Variants in DLGAP2 observed in about 807,000 individuals in gnomAD.
DLGAP2 encodes the protein disks large-associated protein 2.
A neutral mutation model predicts 100.3 loss-of-function variants in DLGAP2; 26 were observed. That is an observed-to-expected ratio of 0.26 (90% CI 0.19 to 0.36). The LOEUF is 0.36. Ranked by LOEUF, DLGAP2 falls within the 10% of genes least tolerant of loss-of-function variation. DLGAP2 has a pLI of 1.00. For synonymous variants in DLGAP2, 886 were observed against 630.1 expected, an observed-to-expected ratio of 1.41 and a Z score of -6.08; for missense variants, 1,858 against 1,453.2, an observed-to-expected ratio of 1.28 and a Z score of -4.53.
intron 14 of DLGAP2, among the ~76,000 whole-genome samples, chr8:1,697,692 GA>G (rs1799439970): frequency 6.6e-6 from 1 of 152,186 alleles, no homozygotes; most frequent in South Asian, 2.1e-4. Flanking sequence ...TTCCCACAGG[GA>G]AAGTTTTAGG....
chr8:1,466,255 C>T (rs1433787391), intron 3 of DLGAP2, among the ~76,000 whole-genome samples: 3 of 151,936 alleles, frequency 2.0e-5, no homozygotes, highest in Admixed American at 1.3e-4. Flanking sequence ...GCTTTTTTAT[C>T]ATTTGGACTT....
At chr8:983,669 A>T (rs1800406430) in intron 2 of DLGAP2, among the ~76,000 whole-genome samples, 1 of 152,098 alleles carries the variant, frequency 6.6e-6, no homozygotes, top group Non-Finnish European at 1.5e-5. Flanking sequence ...TTGGGATAGG[A>T]CCTTGCTCTG....
intron 2 of DLGAP2, among the ~76,000 whole-genome samples, chr8:971,210 A>G (rs1235784326): frequency 2.6e-5 from 4 of 152,232 alleles, no homozygotes; most frequent in Admixed American, 1.3e-4. Flanking sequence ...AAATACCTGT[A>G]TGTATCCAGA....
chr8:857,872 A>AT lies in DLGAP2; in HGVS notation c.19-50025dup, dbSNP rs35091275. ...CTGTTCACACAAAAACTTGCACATG[A>AT]TTTTTTTTTTTTTTTGAGACGGAGC... On this transcript the variant is annotated intron_variant, in intron 1 of 14. Transcript: ENST00000637795. 5.8e-3 allele frequency among the ~76,000 whole-genome samples: 849 copies of AT among 147,528 alleles called. 13 individuals are homozygous for AT. The highest frequency in any genetic ancestry group is 0.016 in the African/African-American group (636 of 40,194).
intron 2 of DLGAP2, among the ~76,000 whole-genome samples, chr8:1,058,145 G>C (rs565530456): frequency 2.3e-4 from 35 of 152,034 alleles, no homozygotes; most frequent in African/African-American, 7.5e-4. Context: ...GGCTTGGCTG[G>C]ATTGACTAGC....
intron 2 of DLGAP2, chr8:1,002,248 C>T (rs1208264201): frequency 5.9e-5 from 9 of 152,150 alleles, no homozygotes; most frequent in African/African-American, 1.2e-4. Context: ...GCTGCACAGA[C>T]GTGATTCTTC....
chr8:1,614,486 G>A (rs1460691189), intron 6 of DLGAP2, among the ~76,000 whole-genome samples: 5 of 152,200 alleles, frequency 3.3e-5, no homozygotes, highest in Middle Eastern at 3.2e-3. Flanking sequence ...TGCCATTGAC[G>A]GCTTGGACCC....
chr8:1,535,367 C>T (rs1801122772), intron 4 of DLGAP2, among the ~76,000 whole-genome samples: 1 of 152,204 alleles, frequency 6.6e-6, no homozygotes, highest in South Asian at 2.1e-4. Context: ...GTGATTTATC[C>T]TCTCAATCAC....
intron 10 of DLGAP2, among the ~76,000 whole-genome samples, chr8:1,670,590 A>T (rs1283853423): frequency 6.6e-6 from 1 of 152,228 alleles, no homozygotes; most frequent in East Asian, 1.9e-4. Context: ...ATGTTGGGTA[A>T]GCGAGTGGAC....
At chr8:1,391,414 C>T (rs1042774158) in intron 3 of DLGAP2, among the ~76,000 whole-genome samples, 1 of 152,178 alleles carries the variant, frequency 6.6e-6, no homozygotes, top group Admixed American at 6.5e-5. Flanking sequence ...TATCCAGGGA[C>T]ACCAGGCTGT....
rs550209129 is a variant in DLGAP2, at chr8:1,304,040, A to G, written c.106+45157A>G. On this transcript the variant is annotated intron_variant, in intron 3 of 14. Transcript: ENST00000637795. The stretch of plus-strand genomic sequence containing the variant: ...CCACTCAGCCTTTTCCAGACAGCTC[A>G]TTTCTCAGACTGCAAAGGTCAGCAG... Among the ~76,000 whole-genome samples, 3 of 152,220 alleles carry G rather than the reference A, an allele frequency of 2.0e-5. 1 individual carries two copies. In the South Asian group the frequency reaches 6.2e-4, roughly 31 times the overall value.
intron 2 of DLGAP2, among the ~76,000 whole-genome samples, chr8:1,072,601 T>A (rs1276041419): frequency 2.0e-5 from 3 of 152,102 alleles, no homozygotes; most frequent in Non-Finnish European, 4.4e-5. Context: ...GCATTGGGTG[T>A]GTGTTCAGTG....
At chr8:759,052 C>T (rs1213783662) in intron 1 of DLGAP2, among the ~76,000 whole-genome samples, 44 of 149,340 alleles carry the variant, frequency 2.9e-4, no homozygotes, top group African/African-American at 7.1e-4. Context: ...TCAATACCCC[C>T]CACAACCTTC....
intron 2 of DLGAP2, among the ~76,000 whole-genome samples, chr8:1,086,438 CTATA>C (rs1404876447): frequency 1.3e-5 from 2 of 152,042 alleles, no homozygotes; most frequent in Admixed American, 1.3e-4. Context: ...TACATTCATT[CTATA>C]TCTAATTTGT....
At chr8:813,127 T>G (rs1230318779) in intron 1 of DLGAP2, among the ~76,000 whole-genome samples, 1 of 152,242 alleles carries the variant, frequency 6.6e-6, no homozygotes, top group Non-Finnish European at 1.5e-5. Flanking sequence ...ATCAGTAATA[T>G]CTTTCAACCA....
intron 1 of DLGAP2, among the ~76,000 whole-genome samples, chr8:824,851 C>T (rs1796656314): frequency 6.6e-6 from 1 of 152,172 alleles, no homozygotes; most frequent in Admixed American, 6.5e-5. Flanking sequence ...GCTCAGCCTC[C>T]AGCCGCAATT....
In DLGAP2 at chr8:1,678,341, C is replaced by T; in HGVS notation, c.2416C>T (p.His806Tyr). 1 of 1,614,052 alleles carries T rather than the reference C, an allele frequency of 6.2e-7. No individual in the cohort carries two copies. Residue 806 changes from histidine (H) to tyrosine (Y), a missense_variant, in exon 12 of 15, where the codon CAC becomes TAC. Transcript: ENST00000637795. ...GLQFGSSFQR[H>Y]SEPSTPTQYS... is the part of the protein sequence containing the mutation. ...TCAGTTCGGCTCATCCTTCCAGCGGCACTCCGAGCCCAGCACCCCCACCCA... is the reference window on the plus strand; with the variant it reads ...TCAGTTCGGCTCATCCTTCCAGCGGTACTCCGAGCCCAGCACCCCCACCCA...
intron 3 of DLGAP2, among the ~76,000 whole-genome samples, chr8:1,307,167 C>T (rs1187082595): frequency 4.0e-5 from 5 of 126,180 alleles, no homozygotes; most frequent in Non-Finnish European, 8.1e-5. Context: ...CTGATACCTA[C>T]ACTATTTAAA....
At position 1,549,201 on chromosome 8, in the gene DLGAP2, T is replaced by A; in HGVS notation, c.748T>A (p.Ser250Thr). The change falls in exon 5 of 15, where the codon TCC becomes ACC. Residue 250 changes from serine to threonine, a missense_variant. Coordinates refer to ENST00000637795, the MANE Select transcript of DLGAP2 (RefSeq NM_001346810.2). Reference sequence around the variant, plus strand: ...CAAGTCGCACTCGCTGGAGGGCTCCTCCAAAAGCAACGCCAACGGCACCAA... The same window carrying A: ...CAAGTCGCACTCGCTGGAGGGCTCCACCAAAAGCAACGCCAACGGCACCAA... ...FTKSHSLEGS[S>T]KSNANGTKAD... is the part of the protein sequence containing the mutation. 1 of 1,601,330 alleles carries A rather than the reference T, an allele frequency of 6.2e-7. No homozygotes were observed. The highest frequency in any genetic ancestry group is 1.1e-5 in the South Asian group (1 of 89,558).
Sources: gnomAD v4.1 joint callset for allele counts (sites outside exome capture counted in the v4.1 genomes callset) on GRCh38, gnomAD v4.1.1 for gene constraint, MANE v1.5 for transcripts, NCBI Gene and HGNC (gene_info 2026-07-23, HGNC 2026-07-21) for gene names.